The following PARD3 variants were observed in gnomAD, a reference collection of about 807,000 sequenced individuals.
PARD3 encodes the protein partitioning defective 3 homolog.
PARD3 carries 75 observed loss-of-function variants against 155.4 expected under a neutral mutation model. That is an observed-to-expected ratio of 0.48 (90% CI 0.40 to 0.58). The LOEUF (loss-of-function observed/expected upper bound fraction) is 0.58, where lower values mean the gene tolerates loss of function less well. Ranked by LOEUF, PARD3 falls within the 20% of genes least tolerant of loss-of-function variation. The pLI is 0.00. For missense variants in PARD3, 1,642 were observed against 1,721.7 expected, an observed-to-expected ratio of 0.95 and a Z score of 0.82; for synonymous variants, 576 against 610.5, an observed-to-expected ratio of 0.94 and a Z score of 0.83.
chr10:34,519,884 A>AC (rs1564804151), intron 2 of PARD3, among the ~76,000 whole-genome samples: 118 of 146,974 alleles, frequency 8.0e-4, no homozygotes, highest in African/African-American at 2.1e-3. Context: ...ACATAACATA[A>AC]AAATAGAAAA....
Position 34,814,943 on chromosome 10 carries a change from T to TCC in PARD3, c.51_52dup (p.Asp18GlyfsTer5). The TCC allele has an allele frequency of 6.4e-7, 1 of 1,559,754 alleles. No homozygotes were observed. The highest frequency in any genetic ancestry group is 8.7e-7 in the Non-Finnish European group (1 of 1,155,592). On this transcript the variant is annotated frameshift_variant, in exon 1 of 25. Coordinates refer to ENST00000374788, the MANE Select transcript of PARD3 (RefSeq NM_001184785.2). LOFTEE classifies it high-confidence loss of function. The stretch of plus-strand genomic sequence containing the variant: ...GAGGCTGAAAACTTTCATGTGGCCG[T>TCC]CCCCGCACGGCACGACCACCCGGGT...
At chr10:34,400,306 A>G (rs938015049) in intron 6 of PARD3, among the ~76,000 whole-genome samples, 3 of 152,198 alleles carry the variant, frequency 2.0e-5, no homozygotes, top group African/African-American at 4.8e-5. Flanking sequence ...TTCTATTACA[A>G]AACTATTCTG....
intron 5 of PARD3, among the ~76,000 whole-genome samples, chr10:34,416,108 C>G (rs1181993265): frequency 1.3e-5 from 2 of 152,170 alleles, no homozygotes; most frequent in Non-Finnish European, 2.9e-5. Flanking sequence ...GTATGTAGGT[C>G]TACCCTCCTC....
chr10:34,466,670 A>G (rs2078026261), intron 4 of PARD3, among the ~76,000 whole-genome samples: 1 of 152,190 alleles, frequency 6.6e-6, no homozygotes, highest in African/African-American at 2.4e-5. Context: ...ATAAGAATTT[A>G]TAACATCTTA....
chr10:34,323,974 C>T (rs180820642), intron 19 of PARD3, among the ~76,000 whole-genome samples: 11 of 152,320 alleles, frequency 7.2e-5, no homozygotes, highest in Admixed American at 3.3e-4. Context: ...GCTACACAAT[C>T]GAAATGACAG....
intron 1 of PARD3, among the ~76,000 whole-genome samples, chr10:34,773,928 G>C (rs1156412029): frequency 1.3e-5 from 2 of 152,132 alleles, no homozygotes; most frequent in African/African-American, 2.4e-5. Flanking sequence ...TAAATGTTCA[G>C]AAGTAAACCA....
chr10:34,112,478 T>C (rs1946435735), intron 24 of PARD3, among the ~76,000 whole-genome samples: 1 of 152,268 alleles, frequency 6.6e-6, no homozygotes, highest in Admixed American at 6.5e-5. Flanking sequence ...AAAACAATTC[T>C]GTGCCAGAAA....
chr10:34,403,748 C>T (rs1421890141), intron 5 of PARD3, among the ~76,000 whole-genome samples: 1 of 152,190 alleles, frequency 6.6e-6, no homozygotes, highest in East Asian at 1.9e-4. Context: ...GGTTAACCAA[C>T]ATCTTGAACG....
intron 23 of PARD3, among the ~76,000 whole-genome samples, chr10:34,124,650 G>A (rs938215013): frequency 6.6e-6 from 1 of 152,088 alleles, no homozygotes; most frequent in African/African-American, 2.4e-5. Flanking sequence ...AAGCTTAATT[G>A]CTCCTAAGGA....
chr10:34,374,883 T>C lies in PARD3; in HGVS notation c.1659A>G (p.Pro553=). 6.2e-7 allele frequency: 1 copy of C among 1,613,982 alleles called. No homozygotes were observed. Among genetic ancestry groups the C allele is most frequent in the Non-Finnish European group, 8.5e-7 (1 of 1,179,932 alleles). The stretch of plus-strand genomic sequence containing the variant: ...CTCTAAATTTACACACCAGTTCCCT[T>C]GGGTGGAAGGCGTCTTCCTGGCGAA... ...LVFRQEDAFH[P]RELNAEPSQM... is the part of the protein sequence containing the mutation. Residue 553 remains proline (P), a synonymous_variant, in exon 11 of 25, where the codon CCA becomes CCG. Transcript: ENST00000374788.
At chr10:34,311,342 A>T (rs1957687496) in intron 20 of PARD3, among the ~76,000 whole-genome samples, 1 of 152,082 alleles carries the variant, frequency 6.6e-6, no homozygotes, top group South Asian at 2.1e-4. Context: ...GCCTGGAATT[A>T]CAGGTGTGAG....
At chr10:34,234,468 C>T (rs77311278) in intron 22 of PARD3, among the ~76,000 whole-genome samples, 7,611 of 152,228 alleles carry the variant, frequency 0.05, 270 homozygotes, top group Middle Eastern at 0.11. Context: ...CACTGACTAC[C>T]TTCTAGTTTC....
At chr10:34,349,070 T>C (rs1837727268) in intron 14 of PARD3, among the ~76,000 whole-genome samples, 1 of 152,154 alleles carries the variant, frequency 6.6e-6, no homozygotes, top group South Asian at 2.1e-4. Flanking sequence ...TATCTCATGA[T>C]GCTTTGATGT....
At chr10:34,709,600 T>TA (rs1368377401) in intron 1 of PARD3, among the ~76,000 whole-genome samples, 5 of 152,130 alleles carry the variant, frequency 3.3e-5, no homozygotes, top group African/African-American at 1.2e-4. Flanking sequence ...AAGCTATGAC[T>TA]ACCCCTGGGC....
At chr10:34,352,939 G>C (rs1338558478) in intron 14 of PARD3, among the ~76,000 whole-genome samples, 2 of 151,638 alleles carry the variant, frequency 1.3e-5, no homozygotes, top group African/African-American at 2.4e-5. Flanking sequence ...GAGATGTGGG[G>C]AGCGCCTCTG....
At chr10:34,155,108 T>C (rs150154336) in intron 22 of PARD3, among the ~76,000 whole-genome samples, 142 of 152,298 alleles carry the variant, frequency 9.3e-4, no homozygotes, top group Non-Finnish European at 1.6e-3. Context: ...TGCATTTCCA[T>C]AGGTTCCCTA....
At chr10:34,810,247 A>G (rs963607267) in intron 1 of PARD3, among the ~76,000 whole-genome samples, 1 of 152,210 alleles carries the variant, frequency 6.6e-6, no homozygotes. Flanking sequence ...AAAATACTGC[A>G]TAAAATTACC....
intron 2 of PARD3, among the ~76,000 whole-genome samples, chr10:34,544,772 G>C (rs1200460370): frequency 6.6e-6 from 1 of 152,190 alleles, no homozygotes; most frequent in Non-Finnish European, 1.5e-5. Context: ...AAGACTTGCT[G>C]TACCAAGTGA....
chr10:34,656,725 T>C (rs1201739608), intron 2 of PARD3, among the ~76,000 whole-genome samples: 3 of 152,192 alleles, frequency 2.0e-5, no homozygotes, highest in Non-Finnish European at 2.9e-5. Context: ...ATTAATTATG[T>C]ACATGCTGGG....
Sources: gnomAD v4.1 joint callset for allele counts (sites outside exome capture counted in the v4.1 genomes callset) on GRCh38, gnomAD v4.1.1 for gene constraint, MANE v1.5 for transcripts, NCBI Gene and HGNC (gene_info 2026-07-23, HGNC 2026-07-21) for gene names.